Variants in FXN observed in about 807,000 individuals in gnomAD.
The protein encoded by FXN is frataxin, mitochondrial.
In FXN, 14 loss-of-function variants were observed where a neutral mutation model predicts 22.4. The observed-to-expected ratio is 0.62, with a 90% CI of 0.41 to 0.98. The LOEUF (loss-of-function observed/expected upper bound fraction) is 0.98, where lower values mean the gene tolerates loss of function less well. Among genes scored for constraint, FXN ranks in the 50% least tolerant of loss-of-function variants. FXN has a pLI of 0.00. For missense variants in FXN, 267 were observed against 268.4 expected, an observed-to-expected ratio of 0.99 and a Z score of 0.04; for synonymous variants, 120 against 114.1, an observed-to-expected ratio of 1.05 and a Z score of -0.33.
intron 3 of FXN, among the ~76,000 whole-genome samples, chr9:69,057,444 C>G (rs918327285): frequency 1.3e-5 from 2 of 152,098 alleles, no homozygotes; most frequent in Admixed American, 6.6e-5. Context: ...GAAGAGATGC[C>G]TATATTTTTC....
In FXN at chr9:69,077,169, C is replaced by T. The variant is rs1832386254; in HGVS notation, c.*4407C>T. 8.9e-6 allele frequency: 8 copies of T among 894,368 alleles called. No individual in the cohort carries two copies. The highest frequency in any genetic ancestry group is 9.4e-6 in the Non-Finnish European group (7 of 747,014). The allele number at this position is 894,368 out of a possible 1,614,324, so 55.4% of individuals were successfully genotyped here. A position where few individuals can be genotyped will look rare whatever the true frequency, so the allele number is the denominator to read the frequency against. ...CCTAGTAATCCACCTGCCTCCGCCTCCCAAAGTGCTGGGATTACAGGCGTG... is the reference window on the plus strand; with the variant it reads ...CCTAGTAATCCACCTGCCTCCGCCTTCCAAAGTGCTGGGATTACAGGCGTG... On this transcript the variant is annotated 3_prime_UTR_variant, in exon 5 of 5. Transcript: ENST00000484259.
At chr9:69,053,114 T>A (rs1831883502) in intron 2 of FXN, 26 bp from the exon 3 acceptor site, 1 of 1,611,258 alleles carries the variant, frequency 6.2e-7, no homozygotes, top group Non-Finnish European at 8.5e-7. Context: ...GGTAATCATG[T>A]TTTGGGTTTT....
chr9:69,038,832 C>T (rs1041549560), intron 1 of FXN, among the ~76,000 whole-genome samples: 5 of 152,176 alleles, frequency 3.3e-5, no homozygotes, highest in African/African-American at 9.7e-5. Flanking sequence ...ATACTCTTTT[C>T]GTACTCATAT....
In FXN at chr9:69,047,350, G is replaced by GACAC. The variant is rs148756619; in HGVS notation, c.263+895_263+898dup. On this transcript the variant is annotated intron_variant, in intron 2 of 4. Transcript: ENST00000484259. ...ACACAGACACAGACACACACACACA[G>GACAC]ACACACACACACACACACACACACA... Among the ~76,000 whole-genome samples the GACAC allele has an allele frequency of 4.8e-3, 687 of 144,168 alleles. 6 individuals are homozygous for GACAC. The highest frequency in any genetic ancestry group is 0.015 in the African/African-American group (579 of 39,354). 94.6% of individuals were successfully genotyped at this position (144,168 alleles called of 152,430 possible).
chr9:69,036,825 C>G (rs992656849), intron 1 of FXN, among the ~76,000 whole-genome samples: 1 of 152,100 alleles, frequency 6.6e-6, no homozygotes, highest in Non-Finnish European at 1.5e-5. Flanking sequence ...AGGAAGATTC[C>G]TCAAGGGGAG....
intron 3 of FXN, among the ~76,000 whole-genome samples, chr9:69,059,030 T>G (rs1484207731): frequency 6.6e-6 from 1 of 151,816 alleles, no homozygotes; most frequent in Admixed American, 6.6e-5. Flanking sequence ...ATCCCGCCAC[T>G]GCACTCCAGC....
rs966813916 is a variant in FXN at position 69,075,384 on chromosome 9, T to C, written c.*2622T>C. 10 of 717,208 alleles carry C rather than the reference T, an allele frequency of 1.4e-5. No individual in the cohort carries two copies. The highest frequency in any genetic ancestry group is 1.5e-5 in the Non-Finnish European group (9 of 586,210). 44.4% of individuals were successfully genotyped at this position (717,208 alleles called of 1,614,324 possible). ...CTGAGGCAGGAGAATCGCTGTAACC[T>C]GGGGGGTGGAGGTTGCAGTGAGACG... On this transcript the variant is annotated 3_prime_UTR_variant, in exon 5 of 5. Transcript: ENST00000484259.
intron 2 of FXN, among the ~76,000 whole-genome samples, chr9:69,047,274 G>A (rs1257133152): frequency 2.0e-5 from 3 of 151,912 alleles, no homozygotes; most frequent in Non-Finnish European, 2.9e-5. Context: ...ATTTCCAGGT[G>A]ACATGCAGTC....
At chr9:69,068,824 G>T (rs142195325) in intron 4 of FXN, among the ~76,000 whole-genome samples, 1 of 152,170 alleles carries the variant, frequency 6.6e-6, no homozygotes, top group African/African-American at 2.4e-5. Context: ...CCCTCTGTTC[G>T]AGGGTTCCAA....
At chr9:69,064,914 CT>C (rs758679929) in intron 3 of FXN, 23 bp from the exon 4 acceptor site, 10 of 1,447,826 alleles carry the variant, frequency 6.9e-6, no homozygotes, top group Non-Finnish European at 8.8e-6. Context: ...TTTCTTTATG[CT>C]TTTTTTCCAC....
rs1316008371 is a variant in FXN at position 69,035,945 on chromosome 9, G to A, written c.163G>A (p.Ala55Thr). ...CGATGCGACCTGCACGCCCCGCCGC[G>A]CAGTAAGTATCCGCGCCGGGAACAG... ...DIDATCTPRR[A>T]SSNQRGLNQI... The change falls in exon 1 of 5, where the codon GCA becomes ACA. Residue 55 changes from alanine to threonine, a missense_variant and splice_region_variant. Transcript: ENST00000484259. 8 of 1,461,662 alleles carry A rather than the reference G, an allele frequency of 5.5e-6. No homozygotes were observed. The highest frequency in any genetic ancestry group is 7.2e-6 in the Non-Finnish European group (8 of 1,111,694). 90.5% of individuals were successfully genotyped at this position (1,461,662 alleles called of 1,614,324 possible). A position where few individuals can be genotyped will look rare whatever the true frequency, so the allele number is the denominator to read the frequency against.
At chr9:69,043,972 C>T (rs577353109) in intron 1 of FXN, among the ~76,000 whole-genome samples, 1 of 152,284 alleles carries the variant, frequency 6.6e-6, no homozygotes, top group African/African-American at 2.4e-5. Context: ...ATCCTCCCAC[C>T]TTGGCCTCCC....
chr9:69,042,582 C>A (rs1377746240), intron 1 of FXN, among the ~76,000 whole-genome samples: 2 of 152,148 alleles, frequency 1.3e-5, no homozygotes, highest in African/African-American at 4.8e-5. Context: ...GGCAACGGTT[C>A]TTTTTTATGA....
intron 4 of FXN, among the ~76,000 whole-genome samples, chr9:69,066,686 A>G (rs1832171262): frequency 1.3e-5 from 2 of 152,022 alleles, no homozygotes; most frequent in South Asian, 4.2e-4. Context: ...GGCTTTGTAG[A>G]TATCGGGCAG....
chr9:69,062,844 T>C (rs1832100822), intron 3 of FXN, among the ~76,000 whole-genome samples: 1 of 151,502 alleles, frequency 6.6e-6, no homozygotes, highest in African/African-American at 2.4e-5. Context: ...ACACTTAACA[T>C]GGTTAATATG....
intron 1 of FXN, chr9:69,043,519 A>G (rs558958724): frequency 6.6e-6 from 1 of 152,316 alleles, no homozygotes; most frequent in South Asian, 2.1e-4. Context: ...CTCTGGCTCA[A>G]GCAATCCTCC....
chr9:69,053,385 A>G (rs1831890263), intron 3 of FXN, 125 bp downstream of exon 3: 2 of 1,234,110 alleles, frequency 1.6e-6, no homozygotes, highest in African/African-American at 1.5e-5. Context: ...GGATTAAAAG[A>G]CTAGGGTTCC....
At chr9:69,056,133 C>T (rs933188438) in intron 3 of FXN, among the ~76,000 whole-genome samples, 1 of 152,158 alleles carries the variant, frequency 6.6e-6, no homozygotes, top group Non-Finnish European at 1.5e-5. Flanking sequence ...CTCACCTCGG[C>T]CTCCCAAAGC....
chr9:69,041,466 T>C (rs1367970698), intron 1 of FXN, among the ~76,000 whole-genome samples: 1 of 152,248 alleles, frequency 6.6e-6, no homozygotes, highest in African/African-American at 2.4e-5. Flanking sequence ...ACGATGGTGC[T>C]GCTGTGACTG....
Sources: allele counts gnomAD v4.1 joint callset (sites outside exome capture counted in the v4.1 genomes callset), GRCh38; gene constraint gnomAD v4.1.1; transcripts MANE v1.5; gene names NCBI Gene and HGNC (gene_info 2026-07-23, HGNC 2026-07-21).